The following KCNG2 variants were observed in gnomAD, a reference collection of about 807,000 sequenced individuals.
KCNG2 encodes voltage-gated potassium channel regulatory subunit KCNG2.
KCNG2 carries 7 observed loss-of-function variants against 12.3 expected under a neutral mutation model. The ratio of observed to expected loss-of-function variants is 0.57; its 90% CI spans 0.32 to 1.07. The LOEUF (loss-of-function observed/expected upper bound fraction) is 1.07, where lower values mean the gene tolerates loss of function less well. Among genes scored for constraint, KCNG2 ranks in the 50% least tolerant of loss-of-function variants. KCNG2 has a pLI of 0.04. For synonymous variants in KCNG2, 414 were observed against 351.4 expected (o/e 1.18, Z -1.99); for missense variants, 703 against 726.0 (o/e 0.97, Z 0.36).
intron 1 of KCNG2, among the ~76,000 whole-genome samples, chr18:79,835,573 G>A (rs539511302): frequency 6.6e-6 from 1 of 152,338 alleles, no homozygotes; most frequent in Admixed American, 6.5e-5. Context: ...AGACGGAGTA[G>A]ACGTATAAAA....
In KCNG2 at chr18:79,888,336, G is replaced by A. The variant is rs756152179; in HGVS notation, c.625-10704G>A. Among the ~76,000 whole-genome samples the A allele has an allele frequency of 7.9e-5, 12 of 151,690 alleles. No individual in the cohort carries two copies. The South Asian group carries it at 1.2e-3, about 15-fold the overall frequency. ...CCCAGCCCACATCTGGGGCTGGGTC[G>A]GCCCTGAGGCTGCAGGGGGGCTGGG... On this transcript the variant is annotated intron_variant, in intron 3 of 3. Coordinates refer to ENST00000316249, the MANE Select transcript of KCNG2 (RefSeq NM_012283.2).
chr18:79,809,643 C>T (rs1195756604), intron 1 of KCNG2, among the ~76,000 whole-genome samples: 3 of 151,740 alleles, frequency 2.0e-5, no homozygotes, highest in African/African-American at 7.3e-5. Context: ...GCTGCCGGGG[C>T]CTCACTGACC....
intron 3 of KCNG2, among the ~76,000 whole-genome samples, chr18:79,874,852 A>C (rs889030461): frequency 6.6e-6 from 1 of 152,180 alleles, no homozygotes; most frequent in African/African-American, 2.4e-5. Flanking sequence ...TGGCCAGCGC[A>C]GGCCGGGACT....
intron 1 of KCNG2, among the ~76,000 whole-genome samples, chr18:79,824,168 C>A (rs1293986357): frequency 1.3e-5 from 2 of 152,140 alleles, no homozygotes; most frequent in Non-Finnish European, 2.9e-5. Context: ...ATGTGGGTAA[C>A]TTGTATTTTT....
chr18:79,883,283 G>C (rs548132082), intron 3 of KCNG2, among the ~76,000 whole-genome samples: 225 of 152,322 alleles, frequency 1.5e-3, no homozygotes, highest in Non-Finnish European at 2.0e-3. Context: ...GGGAACGGCG[G>C]GGGGAAGCTG....
chr18:79,896,321 T>C (rs1297848301), intron 3 of KCNG2, among the ~76,000 whole-genome samples: 1 of 152,180 alleles, frequency 6.6e-6, no homozygotes, highest in Admixed American at 6.5e-5. Flanking sequence ...TAGTGGTTGC[T>C]CTGGAGTTTA....
At chr18:79,819,932 T>C (rs976040190) in intron 1 of KCNG2, among the ~76,000 whole-genome samples, 4 of 152,240 alleles carry the variant, frequency 2.6e-5, no homozygotes, top group African/African-American at 9.6e-5. Context: ...GGATTTCATG[T>C]AGGTGAATCA....
At chr18:79,861,281 T>C (rs1230455399) in intron 2 of KCNG2, among the ~76,000 whole-genome samples, 74 of 145,590 alleles carry the variant, frequency 5.1e-4, no homozygotes, top group African/African-American at 1.6e-3. Flanking sequence ...CTCTTTTTTT[T>C]TTTTTTTTTT....
intron 1 of KCNG2, among the ~76,000 whole-genome samples, chr18:79,830,801 C>A (rs1978293848): frequency 7.3e-6 from 1 of 137,518 alleles, no homozygotes; most frequent in African/African-American, 2.7e-5. Flanking sequence ...GAGCCTTCGT[C>A]AGGAGGGTTC....
At chr18:79,896,251 C>T (rs753096456) in intron 3 of KCNG2, among the ~76,000 whole-genome samples, 103 of 152,204 alleles carry the variant, frequency 6.8e-4, no homozygotes, top group Non-Finnish European at 1.1e-3. Flanking sequence ...CAGGCATGAG[C>T]CACCACACCC....
chr18:79,897,819 G>A (rs1261407055), intron 3 of KCNG2, among the ~76,000 whole-genome samples: 1 of 151,870 alleles, frequency 6.6e-6, no homozygotes, highest in Non-Finnish European at 1.5e-5. Context: ...CGGTGTCGAA[G>A]CACCAGTGTG....
At chr18:79,814,814 G>A (rs898239631) in intron 1 of KCNG2, among the ~76,000 whole-genome samples, 5 of 152,154 alleles carry the variant, frequency 3.3e-5, no homozygotes, top group African/African-American at 1.2e-4. Flanking sequence ...TAGAAGTTCT[G>A]GGTAAATAAG....
chr18:79,826,457 G>C (rs1222104265), intron 1 of KCNG2, among the ~76,000 whole-genome samples: 2 of 151,150 alleles, frequency 1.3e-5, no homozygotes, highest in Admixed American at 6.6e-5. Context: ...GGCGCGTTAC[G>C]TCATTACGTT....
At chr18:79,855,485 G>A (rs1978977804) in intron 1 of KCNG2, among the ~76,000 whole-genome samples, 1 of 152,074 alleles carries the variant, frequency 6.6e-6, no homozygotes, top group South Asian at 2.1e-4. Context: ...GGTTCTGTCA[G>A]TTTCAGGGGT....
Position 79,899,729 on chromosome 18 carries a change from A to G in KCNG2, c.1314A>G (p.Thr438=). ...ALQEDSTHSA[T]ATEDSSQGPD... Reference sequence around the variant, plus strand: ...AGGAGGACAGCACGCACTCGGCCACAGCCACCGAGGACAGCTCGCAGGGCC... The same window carrying G: ...AGGAGGACAGCACGCACTCGGCCACGGCCACCGAGGACAGCTCGCAGGGCC... The change falls in exon 4 of 4, where the codon ACA becomes ACG. Residue 438 remains threonine (T), a synonymous_variant. Transcript: ENST00000316249. The G allele has an allele frequency of 6.2e-7, 1 of 1,600,326 alleles. No individual in the cohort carries two copies. The highest frequency in any genetic ancestry group is 8.5e-7 in the Non-Finnish European group (1 of 1,176,420).
chr18:79,844,003 A>G (rs189969570), intron 1 of KCNG2, among the ~76,000 whole-genome samples: 3 of 152,364 alleles, frequency 2.0e-5, no homozygotes, highest in Admixed American at 2.0e-4. Flanking sequence ...AGCTTTAAGG[A>G]TATACATAGG....
intron 1 of KCNG2, among the ~76,000 whole-genome samples, chr18:79,829,194 G>A (rs1978289451): frequency 6.6e-6 from 1 of 151,066 alleles, no homozygotes; most frequent in South Asian, 2.1e-4. Context: ...GCATGTGTCT[G>A]TGTGTGGGTG....
In KCNG2 at chr18:79,803,102, CG is replaced by C. The variant is rs1200200166; in HGVS notation, c.-115+5090del. Among the ~76,000 whole-genome samples the C allele has an allele frequency of 6.6e-6, 1 of 152,132 alleles. No homozygotes were observed. The highest frequency in any genetic ancestry group is 1.5e-5 in the Non-Finnish European group (1 of 68,030). On this transcript the variant is annotated intron_variant, in intron 1 of 3. Coordinates refer to ENST00000316249, the MANE Select transcript of KCNG2 (RefSeq NM_012283.2). This position sits in a 1 kb window ranked among gnomAD's most constrained non-coding sequence, Gnocchi z 4.5. ...CTGAGGCAGGAGAATCGCTTGAACC[CG>C]GAAGGCGGAGCTTGCAGTGAGCCGA...
intron 1 of KCNG2, among the ~76,000 whole-genome samples, chr18:79,817,177 G>A (rs1011871865): frequency 1.3e-5 from 2 of 151,548 alleles, no homozygotes; most frequent in Admixed American, 1.3e-4. Context: ...GCTGTCACAC[G>A]GCTGCCACTC....
Sources: allele counts gnomAD v4.1 joint callset (sites outside exome capture counted in the v4.1 genomes callset), GRCh38; gene constraint gnomAD v4.1.1; non-coding constraint Gnocchi (gnomAD v3.1); transcripts MANE v1.5; gene names NCBI Gene and HGNC (gene_info 2026-07-23, HGNC 2026-07-21).